The following SPMAP2 variants were observed in gnomAD, a reference collection of about 807,000 sequenced individuals.
SPMAP2 encodes the protein sperm microtubule associated protein 2.
chr19:369,963 C>T, the SPMAP2 span, among the ~76,000 whole-genome samples: 7 of 152,326 alleles, frequency 4.6e-5, no homozygotes, highest in Middle Eastern at 3.4e-3. Context: ...ACAGGGGATG[C>T]GACGGCTTGG....
At chr19:371,184 C>T in the SPMAP2 span, 157 of 1,378,954 alleles carry the variant, frequency 1.1e-4, no homozygotes, top group Admixed American at 1.5e-3. Context: ...GGGTGAGTCG[C>T]GGGGGGCACG....
chr19:368,356 C>T, the SPMAP2 span, among the ~76,000 whole-genome samples: 51 of 152,212 alleles, frequency 3.4e-4, no homozygotes, highest in African/African-American at 1.1e-3. The surrounding 1 kb of genome is among the most constrained non-coding windows in gnomAD (Gnocchi z 4.1). Context: ...GGCTTGCTCC[C>T]GTACACGTGT....
the SPMAP2 span, chr19:362,487 G>T: frequency 7.1e-7 from 1 of 1,407,332 alleles, no homozygotes; most frequent in Admixed American, 2.0e-5. Flanking sequence ...CCACATTCAG[G>T]CTGGGCATGG....
the SPMAP2 span, among the ~76,000 whole-genome samples, chr19:369,677 G>T: frequency 6.6e-6 from 1 of 152,218 alleles, no homozygotes; most frequent in Non-Finnish European, 1.5e-5. Flanking sequence ...GGTGCAGGCG[G>T]GCTGAGTCCG....
the SPMAP2 span, chr19:374,559 G>T: frequency 4.2e-5 from 52 of 1,224,786 alleles, no homozygotes; most frequent in African/African-American, 7.6e-4. Context: ...TCCCTCGAGG[G>T]GTCTCTGAGG....
the SPMAP2 span, among the ~76,000 whole-genome samples, chr19:363,011 T>C: frequency 7.0e-4 from 106 of 152,056 alleles, 1 homozygote; most frequent in Non-Finnish European, 1.3e-3. Flanking sequence ...GACAGGCCAA[T>C]CCAGAGTCCG....
the SPMAP2 span, among the ~76,000 whole-genome samples, chr19:365,986 C>G: frequency 6.6e-6 from 1 of 152,064 alleles, no homozygotes; most frequent in African/African-American, 2.4e-5. Context: ...ACTAAAAATA[C>G]AAAAATTAGC....
chr19:365,228 C>A, the SPMAP2 span, among the ~76,000 whole-genome samples: 1 of 152,256 alleles, frequency 6.6e-6, no homozygotes, highest in South Asian at 2.1e-4. Flanking sequence ...CCCTGCTCTG[C>A]ATGCTAATTG....
At chr19:370,783 C>G in the SPMAP2 span, among the ~76,000 whole-genome samples, 1 of 152,226 alleles carries the variant, frequency 6.6e-6, no homozygotes, top group Non-Finnish European at 1.5e-5. Flanking sequence ...ACGCGAGAGT[C>G]TCAGATGCAG....
the SPMAP2 span, among the ~76,000 whole-genome samples, chr19:370,690 C>T: frequency 2.4e-4 from 36 of 152,312 alleles, no homozygotes; most frequent in East Asian, 2.3e-3. Flanking sequence ...AAACTGGAAG[C>T]CACCCAAATA....
At chr19:364,531 G>GCC in the SPMAP2 span, among the ~76,000 whole-genome samples, 48 of 151,370 alleles carry the variant, frequency 3.2e-4, no homozygotes, top group Non-Finnish European at 5.7e-4. Context: ...AAAAAAAATG[G>GCC]CCACAGGTAC....
the SPMAP2 span, chr19:374,562 C>G: frequency 8.1e-7 from 1 of 1,232,508 alleles, no homozygotes; most frequent in Non-Finnish European, 1.1e-6. Flanking sequence ...CTCGAGGGGT[C>G]TCTGAGGGAG....
the SPMAP2 span, chr19:372,644 A>G: frequency 6.2e-7 from 1 of 1,614,048 alleles, no homozygotes; most frequent in Non-Finnish European, 8.5e-7. Context: ...TTGTTGTTGT[A>G]ATATTCCAGG....
At chr19:363,231 C>T in the SPMAP2 span, among the ~76,000 whole-genome samples, 5 of 152,104 alleles carry the variant, frequency 3.3e-5, no homozygotes, top group Admixed American at 6.6e-5. Flanking sequence ...CTTGCTCTGT[C>T]GCCCAGGCTG....
the SPMAP2 span, chr19:374,555 G>C: frequency 7.8e-7 from 1 of 1,279,454 alleles, no homozygotes; most frequent in Non-Finnish European, 1.1e-6. Flanking sequence ...CCTTTCCCTC[G>C]AGGGGTCTCT....
At chr19:365,952 C>G in the SPMAP2 span, among the ~76,000 whole-genome samples, 1 of 152,140 alleles carries the variant, frequency 6.6e-6, no homozygotes, top group Non-Finnish European at 1.5e-5. Context: ...ACCAGCCTGG[C>G]CAACATGGTG....
At chr19:363,586 T>C in the SPMAP2 span, among the ~76,000 whole-genome samples, 7 of 152,004 alleles carry the variant, frequency 4.6e-5, no homozygotes, top group East Asian at 1.2e-3. Flanking sequence ...CAGGCTGGAG[T>C]GCAGTAGCAT....
At chr19:374,469 T>C in the SPMAP2 span, 2 of 1,612,234 alleles carry the variant, frequency 1.2e-6, no homozygotes, top group East Asian at 2.2e-5. Context: ...CCCGCCCCGA[T>C]GCGTTTGGGA....
At chr19:366,079 G>A in the SPMAP2 span, among the ~76,000 whole-genome samples, 1 of 151,992 alleles carries the variant, frequency 6.6e-6, no homozygotes, top group Non-Finnish European at 1.5e-5. Context: ...GGCGGAGCTT[G>A]CAGTGAGCCG....
Sources: gnomAD v4.1 joint callset for allele counts (sites outside exome capture counted in the v4.1 genomes callset) on GRCh38, gnomAD v4.1.1 for gene constraint, Gnocchi (gnomAD v3.1) non-coding constraint, MANE v1.5 for transcripts, NCBI Gene and HGNC (gene_info 2026-07-23, HGNC 2026-07-21) for gene names.